PRDM5: variants seen among roughly 807,000 people sequenced by gnomAD.
The protein encoded by PRDM5 is PR domain zinc finger protein 5.
PRDM5 carries 56 observed loss-of-function variants against 81.2 expected under a neutral mutation model. That is an observed-to-expected ratio of 0.69 (90% CI 0.56 to 0.86). The LOEUF is 0.86. PRDM5 is among the 40% of genes least tolerant of loss of function. PRDM5 has a pLI of 0.00. For synonymous variants in PRDM5, 267 were observed against 256.4 expected (o/e 1.04, Z -0.39); for missense variants, 697 against 770.1 (o/e 0.91, Z 1.12).
At chr4:120,712,051 C>T (rs1379033735) in intron 14 of PRDM5, among the ~76,000 whole-genome samples, 3 of 151,854 alleles carry the variant, frequency 2.0e-5, no homozygotes, top group Admixed American at 6.6e-5. Context: ...TTTGGGAGGC[C>T]AAGGCGGACG....
At chr4:120,805,165 C>T (rs1752728959) in intron 8 of PRDM5, among the ~76,000 whole-genome samples, 1 of 152,048 alleles carries the variant, frequency 6.6e-6, no homozygotes, top group Non-Finnish European at 1.5e-5. Flanking sequence ...AAGGTGAATC[C>T]CTGAATAGAC....
At chr4:120,754,745 G>A in intron 13 of PRDM5, 107 bp from the exon 14 acceptor site, 1 of 795,188 alleles carries the variant, frequency 1.3e-6, no homozygotes, top group Non-Finnish European at 2.2e-6. Flanking sequence ...TATGCCCTGT[G>A]CTACTTCAAG....
intron 13 of PRDM5, among the ~76,000 whole-genome samples, chr4:120,768,478 C>G (rs1449876298): frequency 2.6e-5 from 4 of 152,094 alleles, no homozygotes; most frequent in Non-Finnish European, 5.9e-5. Flanking sequence ...CTGATCTGCC[C>G]TGTCCTTCAG....
At chr4:120,901,172 T>C (rs1237730134) in intron 2 of PRDM5, among the ~76,000 whole-genome samples, 1 of 152,208 alleles carries the variant, frequency 6.6e-6, no homozygotes, top group African/African-American at 2.4e-5. Context: ...GAGATGTTAG[T>C]GTACCTGTCA....
chr4:120,701,492 T>C (rs955571533), intron 15 of PRDM5, among the ~76,000 whole-genome samples: 1 of 152,168 alleles, frequency 6.6e-6, no homozygotes, highest in African/African-American at 2.4e-5. Context: ...TGGAATACTA[T>C]GCAGCTATAA....
chr4:120,751,407 C>T (rs982512713), intron 14 of PRDM5, among the ~76,000 whole-genome samples: 3 of 150,168 alleles, frequency 2.0e-5, no homozygotes, highest in East Asian at 1.9e-4. Context: ...AAATTGAATA[C>T]GGCACTCAAG....
intron 14 of PRDM5, among the ~76,000 whole-genome samples, chr4:120,727,676 A>T (rs843566): frequency 0.48 from 72,312 of 151,946 alleles, 17,894 homozygotes; most frequent in East Asian, 0.67. Flanking sequence ...TGGCTCACGC[A>T]TGTAATCCCA....
intron 14 of PRDM5, among the ~76,000 whole-genome samples, chr4:120,717,216 C>G (rs1440740481): frequency 1.3e-5 from 2 of 152,160 alleles, no homozygotes; most frequent in Non-Finnish European, 2.9e-5. Flanking sequence ...CATAGTTTAA[C>G]TGACAAATAG....
intron 12 of PRDM5, among the ~76,000 whole-genome samples, chr4:120,780,422 C>A (rs1016282344): frequency 6.6e-6 from 1 of 150,864 alleles, no homozygotes; most frequent in South Asian, 2.1e-4. Context: ...ACAGCCTGGG[C>A]AACAGAGCGA....
intron 14 of PRDM5, among the ~76,000 whole-genome samples, chr4:120,727,044 AT>A (rs1231207610): frequency 3.3e-5 from 5 of 152,188 alleles, no homozygotes; most frequent in Non-Finnish European, 1.5e-5. Context: ...GTGGAATGTC[AT>A]TTTTTTGGCA....
chr4:120,706,055 C>T (rs549330972), intron 15 of PRDM5, among the ~76,000 whole-genome samples: 1 of 150,890 alleles, frequency 6.6e-6, no homozygotes, highest in African/African-American at 2.4e-5. Flanking sequence ...TGGTAAACTG[C>T]TCAGAAAGAT....
intron 1 of PRDM5, among the ~76,000 whole-genome samples, chr4:120,916,021 A>G (rs1202254096): frequency 6.6e-6 from 1 of 152,226 alleles, no homozygotes; most frequent in Non-Finnish European, 1.5e-5. Context: ...TTGCCAGAAG[A>G]CAAGTGTTAT....
intron 4 of PRDM5, among the ~76,000 whole-genome samples, chr4:120,820,159 G>C (rs570598042): frequency 1.2e-4 from 19 of 152,348 alleles, no homozygotes; most frequent in African/African-American, 4.1e-4. Flanking sequence ...TTTAGGAGAT[G>C]ATTAGGTTAT....
At chr4:120,902,058 T>C (rs1003480088) in intron 2 of PRDM5, among the ~76,000 whole-genome samples, 11 of 152,222 alleles carry the variant, frequency 7.2e-5, no homozygotes, top group African/African-American at 1.9e-4. Context: ...TGAGAACTTA[T>C]CAGGGCAGTT....
intron 3 of PRDM5, chr4:120,838,968 A>T: frequency 1.9e-6 from 1 of 520,932 alleles, no homozygotes; most frequent in Admixed American, 3.1e-5. Context: ...GGGCAGCTCC[A>T]GGTGCCAGCA....
rs530216335 is a variant in PRDM5, at chr4:120,884,194, C to T, written c.177+23280G>A. 1.3e-4 allele frequency among the ~76,000 whole-genome samples: 20 copies of T among 152,038 alleles called. No individual in the cohort carries two copies. The East Asian group carries it at 2.5e-3, about 19-fold the overall frequency. On this transcript the variant is annotated intron_variant, in intron 2 of 15. Transcript: ENST00000264808. The stretch of plus-strand genomic sequence containing the variant: ...TCTCATATATACATAGAAATGCACA[C>T]AAAAATATCAGCAAGAGTGAATACA...
intron 13 of PRDM5, among the ~76,000 whole-genome samples, chr4:120,757,654 G>A (rs908160114): frequency 1.3e-5 from 2 of 152,146 alleles, no homozygotes; most frequent in Non-Finnish European, 2.9e-5. Flanking sequence ...GACCCGGATA[G>A]AACAAAAAGA....
At chr4:120,793,125 C>T (rs1234986127) in intron 10 of PRDM5, among the ~76,000 whole-genome samples, 2 of 152,078 alleles carry the variant, frequency 1.3e-5, no homozygotes, top group Non-Finnish European at 2.9e-5. Flanking sequence ...GTGAGTGAAG[C>T]TTCATCTGTA....
chr4:120,868,796 T>C (rs918078812), intron 2 of PRDM5, among the ~76,000 whole-genome samples: 5 of 152,102 alleles, frequency 3.3e-5, no homozygotes, highest in Admixed American at 6.6e-5. Context: ...ACAGATTTTG[T>C]TTATGGAGAA....
Sources: gnomAD v4.1 joint callset for allele counts (sites outside exome capture counted in the v4.1 genomes callset) on GRCh38, gnomAD v4.1.1 for gene constraint, MANE v1.5 for transcripts, NCBI Gene and HGNC (gene_info 2026-07-23, HGNC 2026-07-21) for gene names.